The following ATRX variants were observed in gnomAD, a reference collection of about 807,000 sequenced individuals.
ATRX encodes the protein chromatin remodeler ATRX.
Under a neutral mutation model 172.6 loss-of-function variants are expected in ATRX, and 12 were observed. That is an observed-to-expected ratio of 0.07 (90% confidence interval 0.04 to 0.11). The LOEUF is 0.11. Ranked by LOEUF, ATRX falls within the 10% of genes least tolerant of loss-of-function variation. The pLI, the probability that ATRX is intolerant of heterozygous loss-of-function variation, is 1.00. For synonymous variants in ATRX, 674 were observed against 594.7 expected (o/e 1.13, Z -1.94); for missense variants, 1,368 against 1,767.4 (o/e 0.77, Z 4.05).
At chrX:77,556,377 AAGAGGG>A (rs1243767351) in intron 30 of ATRX, among the ~76,000 whole-genome samples, 1 of 44,744 alleles carries the variant, frequency 2.2e-5, no homozygotes, top group African/African-American at 9.2e-5. Flanking sequence ...GAGAGAGGGG[AAGAGGG>A]AGAGGGAGAG....
At chrX:77,775,712 A>AT (rs1489319051) in intron 1 of ATRX, among the ~76,000 whole-genome samples, 1 of 69,825 alleles carries the variant, frequency 1.4e-5, no homozygotes, top group Non-Finnish European at 3.3e-5. Flanking sequence ...AAAAACAATA[A>AT]TTCTTTATTT....
At position 77,682,473 on chromosome X, in the gene ATRX, T is replaced by C. The variant is rs1557138879; in HGVS notation, c.2783A>G (p.Glu928Gly). 1.7e-6 allele frequency: 2 copies of C among 1,211,652 alleles called. No homozygotes were observed. The highest frequency in any genetic ancestry group is 1.8e-5 in the South Asian group (1 of 56,979). ...AACTTCCAAAGAAGTAAAACTCTCCTCTTTCCCAGAAAGCTTATCGACACC... is the reference window on the plus strand; with the variant it reads ...AACTTCCAAAGAAGTAAAACTCTCCCCTTTCCCAGAAAGCTTATCGACACC... ...TDGVDKLSGK[E>G]ESFTSLEVRK... is the part of the protein sequence containing the mutation. The change falls in exon 9 of 35, where the codon GAG (glutamate) becomes GGG (glycine). Residue 928 changes from glutamate (E) to glycine (G), a missense_variant. This residue lies in a region of ATRX where 843 missense variants were observed against 643.1 expected (regional missense o/e 1.31). Coordinates refer to ENST00000373344, the MANE Select transcript of ATRX (RefSeq NM_000489.6).
chrX:77,682,991 A>C lies in ATRX; in HGVS notation c.2265T>G (p.Asn755Lys). 4 of 1,210,837 alleles carry C rather than the reference A, an allele frequency of 3.3e-6. No homozygotes were observed. The highest frequency in any genetic ancestry group is 2.3e-4 in the Middle Eastern group (1 of 4,343). Residue 755 changes from asparagine to lysine, a missense_variant, in exon 9 of 35, where the codon AAT becomes AAG. By Grantham distance (94) the Asn-to-Lys change is moderately conservative. Around this residue, in one of 17 missense-constraint regions of ATRX, gnomAD observed 843 missense variants for 643.1 expected, o/e 1.31. Transcript: ENST00000373344. ...AAGTCTTATGGTTTGTATGAATTTC[A>C]TTAATATCAGTATCTGAAGAAGAAC... ...SHSSSSDTDI[N>K]EIHTNHKTLY...
chrX:77,554,462 T>C (rs895801390), intron 30 of ATRX, among the ~76,000 whole-genome samples: 1 of 111,769 alleles, frequency 8.9e-6, no homozygotes, highest in Admixed American at 9.5e-5. Flanking sequence ...AACAGTCCCA[T>C]TCAAGAACTT....
chrX:77,659,254 C>T (rs1040716147), intron 12 of ATRX, among the ~76,000 whole-genome samples: 5 of 110,307 alleles, frequency 4.5e-5, no homozygotes, highest in African/African-American at 1.6e-4. Flanking sequence ...AAAAGAATAG[C>T]TAAGCAACTG....
chrX:77,736,309 C>G (rs2074563775), intron 1 of ATRX, among the ~76,000 whole-genome samples: 1 of 112,027 alleles, frequency 8.9e-6, no homozygotes, highest in Non-Finnish European at 1.9e-5. Flanking sequence ...TATTTGCAAA[C>G]TATCCATCTA....
chrX:77,622,919 G>GA (rs2067659289), intron 19 of ATRX, among the ~76,000 whole-genome samples: 1 of 110,189 alleles, frequency 9.1e-6, no homozygotes, highest in Admixed American at 9.8e-5. Flanking sequence ...GTGCTAAGAG[G>GA]AAAGTTCATA....
At chrX:77,569,665 G>T (rs2065335076) in intron 28 of ATRX, among the ~76,000 whole-genome samples, 2 of 111,688 alleles carry the variant, frequency 1.8e-5, no homozygotes, top group Non-Finnish European at 3.8e-5. Flanking sequence ...AACTCAAAAA[G>T]AGAAATACCT....
At chrX:77,698,537 T>C (rs1557151379) in intron 3 of ATRX, 37 bp downstream of exon 3, 4 of 1,155,250 alleles carry the variant, frequency 3.5e-6, no homozygotes, top group Non-Finnish European at 2.4e-6. Context: ...ACTTGGTTAA[T>C]CGTAACTAAC....
At chrX:77,528,044 G>A (rs1557044575) in intron 30 of ATRX, among the ~76,000 whole-genome samples, 1 of 106,576 alleles carries the variant, frequency 9.4e-6, no homozygotes, top group Non-Finnish European at 1.9e-5. Context: ...GGGGTGGTGG[G>A]GGGGTGGGGG....
chrX:77,670,515 G>A (rs1557129158), intron 10 of ATRX, among the ~76,000 whole-genome samples: 1 of 111,895 alleles, frequency 8.9e-6, no homozygotes, highest in Non-Finnish European at 1.9e-5. Flanking sequence ...AGCAATTTGG[G>A]AGGCCAAGGC....
chrX:77,688,711 G>A, intron 7 of ATRX, 107 bp downstream of exon 7: 5 of 638,715 alleles, frequency 7.8e-6, no homozygotes, highest in Non-Finnish European at 1.3e-5. Flanking sequence ...AGTCTTCCAA[G>A]GGCAGATACC....
intron 2 of ATRX, among the ~76,000 whole-genome samples, chrX:77,711,030 T>C (rs2073087444): frequency 8.9e-6 from 1 of 111,979 alleles, no homozygotes; most frequent in African/African-American, 3.2e-5. Flanking sequence ...TGTGATATTG[T>C]ATTCTAGTTT....
In ATRX at chrX:77,507,113, C is replaced by A. The variant is rs2062729253; in HGVS notation, c.*1238G>T. 1.2e-5 allele frequency: 2 copies of A among 168,065 alleles called. No homozygotes were observed. The highest frequency in any genetic ancestry group is 1.8e-3 in the Middle Eastern group (1 of 556). 13.9% of individuals were successfully genotyped at this position (168,065 alleles called of 1,213,427 possible). On this transcript the variant is annotated 3_prime_UTR_variant, in exon 35 of 35. Transcript: ENST00000373344. Reference sequence around the variant, plus strand: ...GAAAAAATAAAATGTAATACATTTTCTAGTAAAACTTCTAGTAAAGGGGTA... The same window carrying A: ...GAAAAAATAAAATGTAATACATTTTATAGTAAAACTTCTAGTAAAGGGGTA...
Position 77,681,969 on chromosome X carries a change from A to C in ATRX, c.3287T>G (p.Leu1096Trp), listed in dbSNP as rs1337990307. The C allele has an allele frequency of 8.3e-6, 10 of 1,208,165 alleles. No individual in the cohort carries two copies. Among genetic ancestry groups the C allele is most frequent in the Non-Finnish European group, 1.1e-5 (10 of 894,099 alleles). ...AYGREKKRCKLLGKSSRKRQD... is the reference protein window; with the variant it reads ...AYGREKKRCKWLGKSSRKRQD... ...TCTCTTCCTTGAACTCTTTCCAAGC[A>C]ACTTGCACCTTTTCTTCTCTCTACC... Residue 1096 changes from leucine to tryptophan, a missense_variant, in exon 9 of 35, where the codon TTG (leucine) becomes TGG (tryptophan). Around this residue, in one of 17 missense-constraint regions of ATRX, gnomAD observed 843 missense variants for 643.1 expected, o/e 1.31. Transcript: ENST00000373344.
intron 15 of ATRX, among the ~76,000 whole-genome samples, chrX:77,647,364 A>G (rs2068971469): frequency 8.9e-6 from 1 of 112,135 alleles, no homozygotes; most frequent in South Asian, 3.6e-4. Context: ...GAACCAGAAA[A>G]GGAAGCACAA....
intron 1 of ATRX, among the ~76,000 whole-genome samples, chrX:77,765,505 A>C (rs868960503): frequency 1.7e-4 from 19 of 111,334 alleles, no homozygotes; most frequent in Non-Finnish European, 2.1e-4. Context: ...TTTCTTACAG[A>C]AGTGTTATAA....
intron 30 of ATRX, among the ~76,000 whole-genome samples, chrX:77,536,493 G>GA (rs1271993627): frequency 9.0e-6 from 1 of 111,546 alleles, no homozygotes; most frequent in East Asian, 2.8e-4. Context: ...AGTGTTAAAA[G>GA]ACTTACATGT....
rs915151646 is a variant in ATRX, at chrX:77,569,670, A to G, written c.6326+4580T>C. ...CATTTACAATAACTCAAAAAGAGAA[A>G]TACCTGGGTGTAAATCTAACAAAAG... On this transcript the variant is annotated intron_variant, in intron 28 of 34. Coordinates refer to ENST00000373344, the MANE Select transcript of ATRX (RefSeq NM_000489.6). Among the ~76,000 whole-genome samples the G allele has an allele frequency of 2.7e-5, 3 of 112,144 alleles. No individual in the cohort carries two copies. In the South Asian group the frequency reaches 1.1e-3, roughly 41 times the overall value.
Sources: gnomAD v4.1 joint callset for allele counts (sites outside exome capture counted in the v4.1 genomes callset) on GRCh38, gnomAD v4.1.1 for gene constraint, gnomAD v4.1.1 regional missense constraint, MANE v1.5 for transcripts, NCBI Gene and HGNC (gene_info 2026-07-23, HGNC 2026-07-21) for gene names.